The following ZIC5 variants were observed in gnomAD, a reference collection of about 807,000 sequenced individuals.
The protein encoded by ZIC5 is Zic family zinc finger 5.
ZIC5 carries 20 observed loss-of-function variants against 28.5 expected under a neutral mutation model. That is an observed-to-expected ratio of 0.70 (90% CI 0.49 to 1.02). ZIC5 has a LOEUF of 1.02. Among genes scored for constraint, ZIC5 ranks in the 50% least tolerant of loss-of-function variants. The probability of loss-of-function intolerance (pLI) is 0.00; values close to 1 mark genes in which losing one functional copy is unlikely to be tolerated. For synonymous variants in ZIC5, 488 were observed against 410.4 expected (o/e 1.19, Z -2.29); for missense variants, 951 against 899.7 (o/e 1.06, Z -0.73).
chr13:99,971,500 A>T lies in ZIC5; in HGVS notation c.104T>A (p.Leu35Gln). The change falls in exon 1 of 2, where the codon CTG (leucine) becomes CAG (glutamine). Residue 35 changes from leucine (L) to glutamine (Q), a missense_variant. Physicochemically the swap from Leu to Gln is moderately radical, Grantham distance 113. Around this residue, in one of 3 missense-constraint regions of ZIC5, gnomAD observed 784 missense variants for 660.1 expected, o/e 1.19. Coordinates refer to ENST00000267294, the MANE Select transcript of ZIC5 (RefSeq NM_033132.5). Reference protein sequence around the residue: ...PLQNMTGFPALAGPPAHSQLR... With the variant: ...PLQNMTGFPAQAGPPAHSQLR... ...TTGGGAGTGGGCGGGCGGGCCGGCC[A>T]GCGCCGGGAAGCCTGTCATATTCTG... 3 of 1,550,972 alleles carry T rather than the reference A, an allele frequency of 1.9e-6. No individual in the cohort carries two copies. The highest frequency in any genetic ancestry group is 2.4e-5 in the South Asian group (2 of 84,076).
rs1232737859 is a variant in ZIC5 at position 99,970,468 on chromosome 13, G to A, written c.1136C>T (p.Pro379Leu). Reference sequence around the variant, plus strand: ...CGGCGGCAGCCCGGCCAGCTCGTCGGGGTCGATCCACTTGCAGATGAGCTC... The same window carrying A: ...CGGCGGCAGCCCGGCCAGCTCGTCGAGGTCGATCCACTTGCAGATGAGCTC... ...KQELICKWID[P>L]DELAGLPPPP... Residue 379 changes from proline to leucine, a missense_variant, in exon 1 of 2, where the codon CCC becomes CTC. Physicochemically the swap from Pro to Leu is moderately conservative, Grantham distance 98 (BLOSUM62 -3). Transcript: ENST00000267294. 4.5e-6 allele frequency: 5 copies of A among 1,108,974 alleles called. No homozygotes were observed. The highest frequency in any genetic ancestry group is 7.2e-5 in the East Asian group (1 of 13,900). The allele number at this position is 1,108,974 out of a possible 1,614,324, so 68.7% of individuals were successfully genotyped here.
Position 99,971,231 on chromosome 13 carries a change from C to G in ZIC5, c.373G>C (p.Ala125Pro), listed in dbSNP as rs2053155460. The change falls in exon 1 of 2, where the codon GCG becomes CCG. Residue 125 changes from alanine to proline, a missense_variant. By Grantham distance (27) the Ala-to-Pro change is conservative. Transcript: ENST00000267294. Reference sequence around the variant, plus strand: ...AGAGGAGGGGCTGGGGGCGGGGGCGCGGAGGGCTGCGCGCCACTGCTGCCC... The same window carrying G: ...AGAGGAGGGGCTGGGGGCGGGGGCGGGGAGGGCTGCGCGCCACTGCTGCCC... ...GGGSSGAQPS[A>P]PPPPAPPLPP... 2 of 1,270,074 alleles carry G rather than the reference C, an allele frequency of 1.6e-6. No homozygotes were observed. The highest frequency in any genetic ancestry group is 3.2e-5 in the African/African-American group (2 of 61,632). 78.7% of individuals were successfully genotyped at this position (1,270,074 alleles called of 1,614,324 possible). A position where few individuals can be genotyped will look rare whatever the true frequency, so the allele number is the denominator to read the frequency against.
At position 99,970,462 on chromosome 13, in the gene ZIC5, T is replaced by C; in HGVS notation, c.1142A>G (p.Glu381Gly). 9.2e-7 allele frequency: 1 copy of C among 1,085,168 alleles called. No individual in the cohort carries two copies. Among genetic ancestry groups the C allele is most frequent in the Non-Finnish European group, 1.1e-6 (1 of 892,156 alleles). The allele number at this position is 1,085,168 out of a possible 1,614,324, so 67.2% of individuals were successfully genotyped here. A position where few individuals can be genotyped will look rare whatever the true frequency, so the allele number is the denominator to read the frequency against. Residue 381 changes from glutamate to glycine, a missense_variant, in exon 1 of 2, where the codon GAG becomes GGG. Glu to Gly is a moderately conservative substitution (Grantham distance 98). Transcript: ENST00000267294. ...ELICKWIDPDELAGLPPPPPP... is the reference protein window; with the variant it reads ...ELICKWIDPDGLAGLPPPPPP... ...CGGCGGCGGCGGCAGCCCGGCCAGC[T>C]CGTCGGGGTCGATCCACTTGCAGAT... is the stretch of plus-strand genomic sequence containing the variant.
rs1050184341 is a variant in ZIC5 at position 99,964,389 on chromosome 13, T to G, written c.*988A>C. On this transcript the variant is annotated 3_prime_UTR_variant, in exon 2 of 2. Transcript: ENST00000267294. ...ATCACACCTCCTCAAGACTTGACTG[T>G]GAATGTTGGCATCCCAAAGAACTTA... 6.6e-6 allele frequency: 1 copy of G among 152,160 alleles called. No individual in the cohort carries two copies. The highest frequency in any genetic ancestry group is 2.4e-5 in the African/African-American group (1 of 41,444). 9.4% of individuals were successfully genotyped at this position (152,160 alleles called of 1,614,324 possible). A position where few individuals can be genotyped will look rare whatever the true frequency, so the allele number is the denominator to read the frequency against.
chr13:99,968,281 G>C (rs1309004652), intron 1 of ZIC5, among the ~76,000 whole-genome samples: 1 of 152,216 alleles, frequency 6.6e-6, no homozygotes, highest in Non-Finnish European at 1.5e-5. Flanking sequence ...GTCTGAACCC[G>C]AGGCGCCTGC....
intron 1 of ZIC5, among the ~76,000 whole-genome samples, chr13:99,968,146 G>A (rs564994730): frequency 6.6e-6 from 1 of 152,332 alleles, no homozygotes; most frequent in Admixed American, 6.5e-5. Context: ...CGGGATCCCG[G>A]ATAACCCCCA....
In ZIC5 at chr13:99,965,081, C is replaced by G. The variant is rs181127785; in HGVS notation, c.*296G>C. ...TGTGTATCGCCATTAACTAATCTCT[C>G]CATTCATTTTCCTTGGTACAATTTG... On this transcript the variant is annotated 3_prime_UTR_variant, in exon 2 of 2. Coordinates refer to ENST00000267294, the MANE Select transcript of ZIC5 (RefSeq NM_033132.5). 4 of 154,794 alleles carry G rather than the reference C, an allele frequency of 2.6e-5. No individual in the cohort carries two copies. The East Asian group carries it at 7.5e-4, about 29-fold the overall frequency. The allele number at this position is 154,794 out of a possible 1,614,324, so 9.6% of individuals were successfully genotyped here. A position where few individuals can be genotyped will look rare whatever the true frequency, so the allele number is the denominator to read the frequency against.
At position 99,971,080 on chromosome 13, in the gene ZIC5, A is replaced by G. The variant is rs2053153012; in HGVS notation, c.524T>C (p.Leu175Pro). The change falls in exon 1 of 2, where the codon CTC becomes CCC. Residue 175 changes from leucine (L) to proline (P), a missense_variant. Physicochemically the swap from Leu to Pro is moderately conservative, Grantham distance 98. Transcript: ENST00000267294. Reference protein sequence around the residue: ...SGKGHSRDFVLRRDLSATAPA... With the variant: ...SGKGHSRDFVPRRDLSATAPA... ...GGCCGTGGCGGAAAGGTCCCTCCGG[A>G]GGACGAAGTCCCTGCTGTGGCCTTT... 1.4e-6 allele frequency: 2 copies of G among 1,431,262 alleles called. No individual in the cohort carries two copies. The highest frequency in any genetic ancestry group is 1.5e-5 in the South Asian group (1 of 68,030). 88.7% of individuals were successfully genotyped at this position (1,431,262 alleles called of 1,614,324 possible). A position where few individuals can be genotyped will look rare whatever the true frequency, so the allele number is the denominator to read the frequency against.
rs1384648899 is a variant in ZIC5, at chr13:99,971,538, C to T, written c.66G>A (p.Gln22=). 3 of 1,552,096 alleles carry T rather than the reference C, an allele frequency of 1.9e-6. No homozygotes were observed. The highest frequency in any genetic ancestry group is 2.0e-5 in the Admixed American group (1 of 51,096). Residue 22 remains glutamine (Q), a synonymous_variant, in exon 1 of 2, where the codon CAG becomes CAA. Coordinates refer to ENST00000267294, the MANE Select transcript of ZIC5 (RefSeq NM_033132.5). ...ALRLADLATA[Q]VQPLQNMTGF... is the part of the protein sequence containing the mutation. ...CTGTCATATTCTGAAGCGGCTGGAC[C>T]TGAGCCGTTGCCAAATCCGCTAATC...
intron 1 of ZIC5, 73 bp downstream of exon 1, chr13:99,970,054 A>G (rs1409869689): frequency 5.0e-6 from 8 of 1,592,488 alleles, no homozygotes; most frequent in African/African-American, 1.4e-5. Flanking sequence ...GAGGAGGAGA[A>G]GCAGCGGCGG....
At position 99,971,643 on chromosome 13, in the gene ZIC5, G is replaced by A. The variant is rs2053162073; in HGVS notation, c.-40C>T. On this transcript the variant is annotated 5_prime_UTR_variant, in exon 1 of 2. Coordinates refer to ENST00000267294, the MANE Select transcript of ZIC5 (RefSeq NM_033132.5). Reference sequence around the variant, plus strand: ...CAGGCCCATAGACCCTCACTGGGGGGACTTTATTCCCTCTGCCCGCCTTCA... The same window carrying A: ...CAGGCCCATAGACCCTCACTGGGGGAACTTTATTCCCTCTGCCCGCCTTCA... 7.1e-6 allele frequency: 11 copies of A among 1,560,276 alleles called. No homozygotes were observed. Among genetic ancestry groups the A allele is most frequent in the Non-Finnish European group, 7.8e-6 (9 of 1,150,934 alleles).
At chr13:99,967,813 G>A (rs745967240) in intron 1 of ZIC5, among the ~76,000 whole-genome samples, 4 of 152,248 alleles carry the variant, frequency 2.6e-5, no homozygotes, top group Non-Finnish European at 5.9e-5. Context: ...CAAGGGCGAT[G>A]GAAAGGCCTG....
chr13:99,971,256 C>T lies in ZIC5; in HGVS notation c.348G>A (p.Gly116=), dbSNP rs1040104626. ...HPGAGSYPCG[G]GSSGAQPSAP... is the part of the protein sequence containing the mutation. ...CGGAGGGCTGCGCGCCACTGCTGCC[C>T]CCGCCGCAGGGGTAGCTGCCCGCGC... Residue 116 remains glycine, a synonymous_variant, in exon 1 of 2, where the codon GGG becomes GGA. Coordinates refer to ENST00000267294, the MANE Select transcript of ZIC5 (RefSeq NM_033132.5). 1 of 1,330,624 alleles carries T rather than the reference C, an allele frequency of 7.5e-7. No individual in the cohort carries two copies. The highest frequency in any genetic ancestry group is 9.5e-7 in the Non-Finnish European group (1 of 1,049,084). 82.4% of individuals were successfully genotyped at this position (1,330,624 alleles called of 1,614,324 possible). A position where few individuals can be genotyped will look rare whatever the true frequency, so the allele number is the denominator to read the frequency against.
chr13:99,971,301 T>C lies in ZIC5; in HGVS notation c.303A>G (p.Ala101=), dbSNP rs1192616749. 2.3e-5 allele frequency: 31 copies of C among 1,369,098 alleles called. No individual in the cohort carries two copies. The highest frequency in any genetic ancestry group is 2.9e-5 in the Non-Finnish European group (31 of 1,071,768). 84.8% of individuals were successfully genotyped at this position (1,369,098 alleles called of 1,614,324 possible). A position where few individuals can be genotyped will look rare whatever the true frequency, so the allele number is the denominator to read the frequency against. Residue 101 remains alanine, a synonymous_variant, in exon 1 of 2, where the codon GCA becomes GCG. Transcript: ENST00000267294. ...CCGCGCCGGGGTGCGCGACCAAGGC[T>C]GCAGCACGGGCGGCGGCTGCCGGAG... The part of the protein sequence containing the change: ...PEAPAAAARA[A]ALVAHPGAGS...
Position 99,965,290 on chromosome 13 carries a change from T to G in ZIC5, c.*87A>C. ...CCGGTGGCAAGTCTGAGTCACGGGT[T>G]TGTCTCAGGCTCGGCATTGTCTCAG... is the stretch of plus-strand genomic sequence containing the variant. On this transcript the variant is annotated 3_prime_UTR_variant, in exon 2 of 2. Coordinates refer to ENST00000267294, the MANE Select transcript of ZIC5 (RefSeq NM_033132.5). 2.3e-6 allele frequency: 3 copies of G among 1,317,094 alleles called. No individual in the cohort carries two copies. The highest frequency in any genetic ancestry group is 3.1e-6 in the Non-Finnish European group (3 of 967,480). 81.6% of individuals were successfully genotyped at this position (1,317,094 alleles called of 1,614,324 possible).
In ZIC5 at chr13:99,970,407, G is replaced by C. The variant is rs1466519992; in HGVS notation, c.1197C>G (p.Pro399=). 4.2e-6 allele frequency: 5 copies of C among 1,192,650 alleles called. No homozygotes were observed. The highest frequency in any genetic ancestry group is 5.4e-5 in the South Asian group (2 of 37,366). The allele number at this position is 1,192,650 out of a possible 1,614,324, so 73.9% of individuals were successfully genotyped here. A position where few individuals can be genotyped will look rare whatever the true frequency, so the allele number is the denominator to read the frequency against. The change falls in exon 1 of 2, where the codon CCC becomes CCG. Residue 399 remains proline (P), a synonymous_variant. Transcript: ENST00000267294. Reference sequence around the variant, plus strand: ...AGCAGGGCTTGGCGCCGCCGGCCGGGGGCGGTGGCGGCGGCGGCGGCGGCG... The same window carrying C: ...AGCAGGGCTTGGCGCCGCCGGCCGGCGGCGGTGGCGGCGGCGGCGGCGGCG... ...PPPPPPPPPP[P]PAGGAKPCSK...
rs767607903 is a variant in ZIC5 at position 99,965,557 on chromosome 13, G to C, written c.1740C>G (p.Asp580Glu). 7 of 1,613,646 alleles carry C rather than the reference G, an allele frequency of 4.3e-6. No individual in the cohort carries two copies. The highest frequency in any genetic ancestry group is 5.9e-6 in the Non-Finnish European group (7 of 1,179,752). ...PVGAPLSPVLDPARSHSSTLS... is the reference protein window; with the variant it reads ...PVGAPLSPVLEPARSHSSTLS... ...GAGTGCTGGAGTGACTCCTGGCTGGGTCCAGCACAGGGGACAAGGGGGCGC... is the reference window on the plus strand; with the variant it reads ...GAGTGCTGGAGTGACTCCTGGCTGGCTCCAGCACAGGGGACAAGGGGGCGC... Residue 580 changes from aspartate to glutamate, a missense_variant, in exon 2 of 2, where the codon GAC becomes GAG. Asp to Glu is a conservative substitution (Grantham distance 45). Coordinates refer to ENST00000267294, the MANE Select transcript of ZIC5 (RefSeq NM_033132.5).
rs747229104 is a variant in ZIC5, at chr13:99,970,218, G to T, written c.1386C>A (p.Thr462=). The change falls in exon 1 of 2, where the codon ACC becomes ACA. Residue 462 remains threonine (T), a synonymous_variant. Coordinates refer to ENST00000267294, the MANE Select transcript of ZIC5 (RefSeq NM_033132.5). ...AAGGGCAGGGAAAGGGCTTCTCGCC[G>T]GTGTGCACGCGGATGTGGTTGATGA... ...YKLINHIRVH[T]GEKPFPCPFP... 8.7e-6 allele frequency: 14 copies of T among 1,613,764 alleles called. No homozygotes were observed. In the South Asian group the frequency reaches 1.5e-4, roughly 18 times the overall value.
intron 1 of ZIC5, among the ~76,000 whole-genome samples, 177 bp downstream of exon 1, chr13:99,969,950 A>G (rs201537145): frequency 1.4e-4 from 21 of 151,560 alleles, no homozygotes; most frequent in South Asian, 6.3e-4. Flanking sequence ...GAAAAAAAAA[A>G]GGGGGGGAGA....
Sources: gnomAD v4.1 joint callset for allele counts (sites outside exome capture counted in the v4.1 genomes callset) on GRCh38, gnomAD v4.1.1 for gene constraint, gnomAD v4.1.1 regional missense constraint, MANE v1.5 for transcripts, NCBI Gene and HGNC (gene_info 2026-07-23, HGNC 2026-07-21) for gene names.